Variants in NEXMIF observed in about 807,000 individuals in gnomAD.
NEXMIF encodes XLMR protein related to neurite extension.
In NEXMIF, 8 loss-of-function variants were observed where a neutral mutation model predicts 62.1. The ratio of observed to expected loss-of-function variants is 0.13; its 90% CI spans 0.08 to 0.23. The LOEUF (loss-of-function observed/expected upper bound fraction) is 0.23. Ranked by LOEUF, NEXMIF falls within the 10% of genes least tolerant of loss-of-function variation. The pLI is 1.00. For missense variants in NEXMIF, 976 were observed against 1,113.3 expected (o/e 0.88, Z 1.75); for synonymous variants, 404 against 416.6 (o/e 0.97, Z 0.37).
At position 74,742,160 on chromosome X, in the gene NEXMIF, T is replaced by C; in HGVS notation, c.2397A>G (p.Ser799=). 8.3e-7 allele frequency: 1 copy of C among 1,211,656 alleles called. No homozygotes were observed. Residue 799 remains serine (S), a synonymous_variant, in exon 3 of 4, where the codon TCA becomes TCG. Coordinates refer to ENST00000055682, the MANE Select transcript of NEXMIF (RefSeq NM_001008537.3). Reference sequence around the variant, plus strand: ...GTATATTAGTGGTAACATTAGCAGATGATAAAGGCATTTCAGAAGAGCATG... The same window carrying C: ...GTATATTAGTGGTAACATTAGCAGACGATAAAGGCATTTCAGAAGAGCATG... ...PTTCSSEMPL[S]SANVTTNIPV...
At chrX:74,755,662 C>T (rs1047031584) in intron 1 of NEXMIF, among the ~76,000 whole-genome samples, 17 of 112,136 alleles carry the variant, frequency 1.5e-4, no homozygotes, top group African/African-American at 5.5e-4. Flanking sequence ...AAGTACACAA[C>T]TGCTAGGCAA....
intron 1 of NEXMIF, among the ~76,000 whole-genome samples, chrX:74,899,744 A>G (rs1190265648): frequency 8.9e-6 from 1 of 111,846 alleles, no homozygotes; most frequent in Non-Finnish European, 1.9e-5. Context: ...TAAAACTCAC[A>G]TGGAACCACA....
At chrX:74,916,807 A>G (rs888485394) in intron 1 of NEXMIF, among the ~76,000 whole-genome samples, 1 of 112,105 alleles carries the variant, frequency 8.9e-6, no homozygotes, top group Non-Finnish European at 1.9e-5. Context: ...AATTAGGAAA[A>G]TAGGGGGGTA....
At chrX:74,789,387 G>C (rs1345047731) in intron 1 of NEXMIF, among the ~76,000 whole-genome samples, 6 of 106,728 alleles carry the variant, frequency 5.6e-5, no homozygotes, top group Non-Finnish European at 1.2e-4. Context: ...TTGGACATTT[G>C]GGTTGGTTCC....
intron 1 of NEXMIF, among the ~76,000 whole-genome samples, chrX:74,874,683 T>G (rs2080621664): frequency 1.1e-5 from 1 of 92,267 alleles, no homozygotes; most frequent in Non-Finnish European, 2.1e-5. Context: ...CAGTGGTTTG[T>G]AGTTCTCCTT....
intron 1 of NEXMIF, among the ~76,000 whole-genome samples, chrX:74,868,746 C>T (rs894958033): frequency 1.4e-4 from 15 of 109,897 alleles, no homozygotes; most frequent in Non-Finnish European, 2.3e-4. Context: ...ATGTAACAAA[C>T]CTCCCATCCT....
At position 74,742,997 on chromosome X, in the gene NEXMIF, A is replaced by G; in HGVS notation, c.1560T>C (p.Asp520=). ...WLPVGSKEED[D]DEWCPKKRRK... is the part of the protein sequence containing the mutation. ...TTCTCTTTTTGGGACACCATTCATC[A>G]TCATCTTCCTCTTTGGAACCAACTG... is the stretch of plus-strand genomic sequence containing the variant. The change falls in exon 3 of 4, where the codon GAT becomes GAC. Residue 520 remains aspartate, a synonymous_variant. Transcript: ENST00000055682. 8.3e-7 allele frequency: 1 copy of G among 1,211,542 alleles called. No individual in the cohort carries two copies. Among genetic ancestry groups the G allele is most frequent in the South Asian group, 1.8e-5 (1 of 56,941 alleles).
intron 1 of NEXMIF, among the ~76,000 whole-genome samples, chrX:74,865,264 G>T (rs1239277132): frequency 9.0e-6 from 1 of 111,627 alleles, no homozygotes; most frequent in Non-Finnish European, 1.9e-5. Context: ...CCAGACTGAG[G>T]TGGTCTTAGA....
At chrX:74,924,722 GAC>G (rs1381451903) in intron 1 of NEXMIF, among the ~76,000 whole-genome samples, 159 bp downstream of exon 1, 1 of 113,625 alleles carries the variant, frequency 8.8e-6, no homozygotes. Flanking sequence ...CTCATACACA[GAC>G]ACACACATTC....
Position 74,823,663 on chromosome X carries a change from GAA to G in NEXMIF, c.-47-77968_-47-77967del, listed in dbSNP as rs1208972401. Among the ~76,000 whole-genome samples, 157 of 105,910 alleles carry G rather than the reference GAA, an allele frequency of 1.5e-3. 1 individual carries two copies. Among genetic ancestry groups the G allele is most frequent in the Non-Finnish European group, 6.3e-4 (33 of 51,973 alleles). 92.0% of individuals were successfully genotyped at this position (105,910 alleles called of 115,157 possible). On this transcript the variant is annotated intron_variant, in intron 1 of 3. Transcript: ENST00000055682. ...CAAATGCTTCAGAAAAAAAAGGAGAGAAAGAGAGAGAAGCAGAAAGAGACAGA... is the reference window on the plus strand; with the variant it reads ...CAAATGCTTCAGAAAAAAAAGGAGAGAGAGAGAGAAGCAGAAAGAGACAGA...
intron 1 of NEXMIF, among the ~76,000 whole-genome samples, chrX:74,914,080 T>A (rs2080799009): frequency 9.0e-6 from 1 of 111,710 alleles, no homozygotes; most frequent in Non-Finnish European, 1.9e-5. Context: ...CTAATGTAGT[T>A]CTAGATATAT....
intron 1 of NEXMIF, among the ~76,000 whole-genome samples, chrX:74,904,540 C>A (rs1489728197): frequency 4.5e-5 from 5 of 111,419 alleles, no homozygotes; most frequent in Non-Finnish European, 9.4e-5. Flanking sequence ...AGGGTACAAT[C>A]AAAGAAACAA....
intron 1 of NEXMIF, among the ~76,000 whole-genome samples, chrX:74,761,480 C>A (rs756503995): frequency 9.0e-6 from 1 of 111,179 alleles, no homozygotes; most frequent in East Asian, 2.8e-4. Context: ...ATTTATCCAT[C>A]TCTTCTAGGT....
intron 2 of NEXMIF, 132 bp from the exon 3 acceptor site, chrX:74,744,609 T>C: frequency 2.5e-6 from 1 of 406,734 alleles, no homozygotes; most frequent in Non-Finnish European, 4.1e-6. Flanking sequence ...TCTCTATCTT[T>C]ACAAATAAAA....
At chrX:74,872,754 T>C (rs2080607526) in intron 1 of NEXMIF, among the ~76,000 whole-genome samples, 1 of 109,699 alleles carries the variant, frequency 9.1e-6, no homozygotes, top group Non-Finnish European at 1.9e-5. Context: ...TATTACCCAC[T>C]GCATTCCTGT....
intron 1 of NEXMIF, among the ~76,000 whole-genome samples, chrX:74,877,529 C>T (rs369127261): frequency 1.3e-3 from 147 of 110,867 alleles, no homozygotes; most frequent in Non-Finnish European, 2.4e-3. Context: ...TGAATCTGAA[C>T]GTTGGCCTGC....
chrX:74,907,723 TAGGATGATC>T (rs1415009533), intron 1 of NEXMIF, among the ~76,000 whole-genome samples: 1 of 111,694 alleles, frequency 9.0e-6, no homozygotes, highest in Non-Finnish European at 1.9e-5. Context: ...GAAGGAGCTA[TAGGATGATC>T]AGGTATTATT....
intron 1 of NEXMIF, among the ~76,000 whole-genome samples, chrX:74,753,843 G>A (rs1382956783): frequency 8.9e-6 from 1 of 112,110 alleles, no homozygotes; most frequent in Non-Finnish European, 1.9e-5. Flanking sequence ...AAAAAGCTGG[G>A]AATTCTTTGG....
At chrX:74,860,857 C>T (rs1332552890) in intron 1 of NEXMIF, among the ~76,000 whole-genome samples, 1 of 110,703 alleles carries the variant, frequency 9.0e-6, no homozygotes, top group Admixed American at 9.6e-5. Flanking sequence ...GAAGAGCAAA[C>T]CAAACCCAAA....
Sources: allele counts gnomAD v4.1 joint callset (sites outside exome capture counted in the v4.1 genomes callset), GRCh38; gene constraint gnomAD v4.1.1; transcripts MANE v1.5; gene names NCBI Gene and HGNC (gene_info 2026-07-23, HGNC 2026-07-21).